The following EPAS1 variants were observed in gnomAD, a reference collection of about 807,000 sequenced individuals.
EPAS1 encodes the protein endothelial PAS domain protein 1, also known as endothelial PAS domain-containing protein 1.
A neutral mutation model predicts 87.9 loss-of-function variants in EPAS1; 23 were observed. The observed-to-expected ratio is 0.26, with a 90% CI of 0.19 to 0.37. The LOEUF is 0.37. EPAS1 is among the 10% of genes least tolerant of loss of function. The pLI is 1.00. For missense variants in EPAS1, 1,138 were observed against 1,120.7 expected, an observed-to-expected ratio of 1.02 and a Z score of -0.22; for synonymous variants, 508 against 444.3, an observed-to-expected ratio of 1.14 and a Z score of -1.80.
At chr2:46,299,603 T>C (rs1572609329) in intron 1 of EPAS1, among the ~76,000 whole-genome samples, 1 of 151,784 alleles carries the variant, frequency 6.6e-6, no homozygotes, top group Non-Finnish European at 1.5e-5. Flanking sequence ...GGGAGGGAAC[T>C]TGTGTATTTT....
intron 1 of EPAS1, among the ~76,000 whole-genome samples, chr2:46,345,675 A>G (rs1684009859): frequency 6.6e-6 from 1 of 152,200 alleles, no homozygotes; most frequent in Non-Finnish European, 1.5e-5. Flanking sequence ...CCTTGTAAGC[A>G]CTATGTCTGT....
At chr2:46,311,729 G>C (rs1041491457) in intron 1 of EPAS1, among the ~76,000 whole-genome samples, 1 of 151,940 alleles carries the variant, frequency 6.6e-6, no homozygotes, top group Non-Finnish European at 1.5e-5. Context: ...TTCCAACTTT[G>C]CCTTTGCTGA....
intron 9 of EPAS1, among the ~76,000 whole-genome samples, chr2:46,377,592 ATACC>A (rs1684783973): frequency 6.6e-6 from 1 of 152,160 alleles, no homozygotes; most frequent in Non-Finnish European, 1.5e-5. Flanking sequence ...TCTCCCTCTC[ATACC>A]TTCCTTGTCT....
intron 1 of EPAS1, among the ~76,000 whole-genome samples, chr2:46,341,155 A>T (rs1553393201): frequency 1.3e-5 from 2 of 152,152 alleles, no homozygotes; most frequent in Non-Finnish European, 2.9e-5. Context: ...CATCTCAAAC[A>T]TTTTTGTCAC....
chr2:46,383,533 C>A (rs1684947019), intron 15 of EPAS1, among the ~76,000 whole-genome samples: 1 of 152,204 alleles, frequency 6.6e-6, no homozygotes, highest in African/African-American at 2.4e-5. Context: ...AGAGTCCAGG[C>A]TGTAGAAACA....
At chr2:46,374,032 C>T (rs72887430) in intron 7 of EPAS1, among the ~76,000 whole-genome samples, 4,840 of 152,324 alleles carry the variant, frequency 0.032, 144 homozygotes, top group African/African-American at 0.07. Context: ...GTGCTGAATG[C>T]TTTGCAGAAA....
intron 6 of EPAS1, among the ~76,000 whole-genome samples, chr2:46,368,383 A>G (rs913605419): frequency 1.3e-4 from 20 of 152,182 alleles, no homozygotes; most frequent in African/African-American, 4.8e-4. Flanking sequence ...CTTCCATGAC[A>G]GAGGGTACAT....
chr2:46,344,832 G>T (rs533649615), intron 1 of EPAS1, among the ~76,000 whole-genome samples: 1 of 152,172 alleles, frequency 6.6e-6, no homozygotes, highest in African/African-American at 2.4e-5. Context: ...AACAGCTGTT[G>T]GACGATTCAT....
Position 46,347,218 on chromosome 2 carries a change from G to A in EPAS1, c.217+155G>A. Reference sequence around the variant, plus strand: ...CATCATGAGTGATTTATTCCTTCATGTTAAACATCTCTCTTCCAGCAGTGA... The same window carrying A: ...CATCATGAGTGATTTATTCCTTCATATTAAACATCTCTCTTCCAGCAGTGA... On this transcript the variant is annotated intron_variant, in intron 2 of 15. Coordinates refer to ENST00000263734, the MANE Select transcript of EPAS1 (RefSeq NM_001430.5). The surrounding 1 kb of genome is among the most constrained non-coding windows in gnomAD (Gnocchi z 4.2). 2.5e-6 allele frequency: 2 copies of A among 803,750 alleles called. No individual in the cohort carries two copies. Among genetic ancestry groups the A allele is most frequent in the Non-Finnish European group, 4.2e-6 (2 of 481,226 alleles). 49.8% of individuals were successfully genotyped at this position (803,750 alleles called of 1,614,324 possible). A position where few individuals can be genotyped will look rare whatever the true frequency, so the allele number is the denominator to read the frequency against.
At chr2:46,302,452 C>T (rs1466491328) in intron 1 of EPAS1, among the ~76,000 whole-genome samples, 1 of 151,954 alleles carries the variant, frequency 6.6e-6, no homozygotes, top group East Asian at 1.9e-4. Context: ...TCAGTACTAA[C>T]CATTGCTGGT....
chr2:46,314,790 G>A (rs1354646338), intron 1 of EPAS1, among the ~76,000 whole-genome samples: 1 of 152,330 alleles, frequency 6.6e-6, no homozygotes, highest in Non-Finnish European at 1.5e-5. Context: ...GGAATAGAGG[G>A]GCAGAGACTT....
Position 46,368,091 on chromosome 2 carries a change from C to T in EPAS1, c.780-1736C>T, listed in dbSNP as rs917149766. On this transcript the variant is annotated intron_variant, in intron 6 of 15. Coordinates refer to ENST00000263734, the MANE Select transcript of EPAS1 (RefSeq NM_001430.5). ...GCTGTTGAGGTTTTTACTAAGCACC[C>T]GTTATAGAGGAAGCAAAAGGAGAAA... is the stretch of plus-strand genomic sequence containing the variant. Among the ~76,000 whole-genome samples, 5 of 152,100 alleles carry T rather than the reference C, an allele frequency of 3.3e-5. No homozygotes were observed. In the East Asian group the frequency reaches 5.8e-4, roughly 18 times the overall value.
At chr2:46,304,841 G>A (rs1166011944) in intron 1 of EPAS1, among the ~76,000 whole-genome samples, 2 of 152,192 alleles carry the variant, frequency 1.3e-5, no homozygotes, top group African/African-American at 4.8e-5. Context: ...GAAATTGCAA[G>A]CACAGGAAGG....
At chr2:46,313,503 G>A (rs1196301588) in intron 1 of EPAS1, among the ~76,000 whole-genome samples, 1 of 151,918 alleles carries the variant, frequency 6.6e-6, no homozygotes, top group African/African-American at 2.4e-5. Flanking sequence ...CCAGGCTGCA[G>A]TGCAATGGCG....
intron 2 of EPAS1, among the ~76,000 whole-genome samples, chr2:46,354,927 C>A (rs961621854): frequency 1.3e-5 from 2 of 152,142 alleles, no homozygotes; most frequent in African/African-American, 2.4e-5. Flanking sequence ...CACACAATCC[C>A]GTCTGGTTCA....
At chr2:46,363,831 A>T (rs573258827) in intron 6 of EPAS1, among the ~76,000 whole-genome samples, 1 of 152,340 alleles carries the variant, frequency 6.6e-6, no homozygotes, top group South Asian at 2.1e-4. Flanking sequence ...GTCTGAATTC[A>T]GTGGTGCTGG....
At position 46,375,150 on chromosome 2, in the gene EPAS1, T is replaced by C. The variant is rs181201481; in HGVS notation, c.887-540T>C. On this transcript the variant is annotated intron_variant, in intron 7 of 15. Transcript: ENST00000263734. This position sits in a 1 kb window ranked among gnomAD's most constrained non-coding sequence, Gnocchi z 4.1. ...TCAATGTTTTAAATGCTTTTATTCA[T>C]AAGCAGGGTATTGGTGGTGGGTCTG... is the stretch of plus-strand genomic sequence containing the variant. Among the ~76,000 whole-genome samples, 174 of 133,114 alleles carry C rather than the reference T, an allele frequency of 1.3e-3. No homozygotes were observed. Among genetic ancestry groups the C allele is most frequent in the African/African-American group, 4.5e-3 (168 of 37,248 alleles). 87.3% of individuals were successfully genotyped at this position (133,114 alleles called of 152,430 possible).
At chr2:46,322,760 G>C (rs571164807) in intron 1 of EPAS1, among the ~76,000 whole-genome samples, 2 of 152,290 alleles carry the variant, frequency 1.3e-5, no homozygotes, top group African/African-American at 4.8e-5. Context: ...AGCTTCTGCT[G>C]TTTCCATTAT....
intron 1 of EPAS1, among the ~76,000 whole-genome samples, chr2:46,317,070 G>T (rs1230322941): frequency 6.6e-6 from 1 of 152,060 alleles, no homozygotes. Flanking sequence ...ACATCTTCAG[G>T]CTCCACTTCT....
Sources: allele counts gnomAD v4.1 joint callset (sites outside exome capture counted in the v4.1 genomes callset), GRCh38; gene constraint gnomAD v4.1.1; non-coding constraint Gnocchi (gnomAD v3.1); transcripts MANE v1.5; gene names NCBI Gene and HGNC (gene_info 2026-07-23, HGNC 2026-07-21).